SOX6: variants seen among roughly 807,000 people sequenced by gnomAD.
SOX6 encodes SRY-box transcription factor 6.
SOX6 carries 11 observed loss-of-function variants against 97.8 expected under a neutral mutation model. The ratio of observed to expected loss-of-function variants is 0.11; its 90% CI spans 0.07 to 0.19. The LOEUF (loss-of-function observed/expected upper bound fraction) is 0.19, where lower values mean the gene tolerates loss of function less well. SOX6 is among the 10% of genes least tolerant of loss of function. The pLI is 1.00. For missense variants in SOX6, 810 were observed against 1,039.5 expected, an observed-to-expected ratio of 0.78 and a Z score of 3.04; for synonymous variants, 360 against 371.4, an observed-to-expected ratio of 0.97 and a Z score of 0.35.
chr11:16,264,255 T>A (rs1314871877), intron 3 of SOX6, among the ~76,000 whole-genome samples: 3 of 151,998 alleles, frequency 2.0e-5, no homozygotes, highest in Non-Finnish European at 4.4e-5. Flanking sequence ...AGTTTATAGT[T>A]TACCCTTCCT....
At chr11:16,630,871 T>G (rs1382949893) in intron 3 of SOX6, among the ~76,000 whole-genome samples, 1 of 152,220 alleles carries the variant, frequency 6.6e-6, no homozygotes, top group African/African-American at 2.4e-5. Context: ...ATGGTTGGCT[T>G]GAAGTCTGTT....
chr11:16,126,786 T>C (rs1849623199), intron 6 of SOX6, among the ~76,000 whole-genome samples: 1 of 152,194 alleles, frequency 6.6e-6, no homozygotes, highest in Non-Finnish European at 1.5e-5. Flanking sequence ...AGATGACTTC[T>C]TGTTACACTA....
chr11:16,234,005 C>CA (rs751876773), intron 4 of SOX6, among the ~76,000 whole-genome samples: 6,291 of 55,142 alleles, frequency 0.11, 270 homozygotes, highest in African/African-American at 0.24. Context: ...GACTGCATCT[C>CA]AAAAAAAAAA....
intron 9 of SOX6, among the ~76,000 whole-genome samples, chr11:16,057,241 A>G (rs563447694): frequency 6.6e-6 from 1 of 152,108 alleles, no homozygotes; most frequent in Non-Finnish European, 1.5e-5. Flanking sequence ...TTCTCTCTCC[A>G]ATCTCTTAAT....
chr11:16,552,323 A>G (rs72859415), intron 4 of SOX6, among the ~76,000 whole-genome samples: 35,504 of 152,142 alleles, frequency 0.23, 4,878 homozygotes, highest in Non-Finnish European at 0.3. Context: ...AGTCCACTAT[A>G]AAAACTTAAA....
intron 4 of SOX6, among the ~76,000 whole-genome samples, chr11:16,501,043 T>C (rs146705306): frequency 0.02 from 3,026 of 152,272 alleles, 82 homozygotes; most frequent in African/African-American, 0.06. Flanking sequence ...AGCACCACGC[T>C]ACCTGACTTC....
intron 1 of SOX6, among the ~76,000 whole-genome samples, chr11:16,347,494 C>T (rs1856801041): frequency 6.6e-6 from 1 of 152,036 alleles, no homozygotes; most frequent in Non-Finnish European, 1.5e-5. Context: ...AACGAAAGAC[C>T]TCTGTGTGGC....
At chr11:16,404,885 A>G (rs1278879030) in intron 1 of SOX6, among the ~76,000 whole-genome samples, 1 of 151,978 alleles carries the variant, frequency 6.6e-6, no homozygotes, top group Non-Finnish European at 1.5e-5. Flanking sequence ...ACAAAACACT[A>G]AAGCTCTTTT....
intron 1 of SOX6, among the ~76,000 whole-genome samples, chr11:16,355,546 T>C (rs1456527009): frequency 3.3e-5 from 5 of 152,178 alleles, no homozygotes; most frequent in African/African-American, 1.2e-4. Flanking sequence ...CATTAATAAT[T>C]TTAAGTTTTT....
At chr11:16,507,853 A>C (rs1287726287) in intron 4 of SOX6, among the ~76,000 whole-genome samples, 2 of 152,224 alleles carry the variant, frequency 1.3e-5, no homozygotes, top group Non-Finnish European at 2.9e-5. Flanking sequence ...CTTCAAAAGC[A>C]ATGGAAATGA....
chr11:16,144,953 T>C (rs369031629), intron 6 of SOX6, among the ~76,000 whole-genome samples: 3 of 152,194 alleles, frequency 2.0e-5, no homozygotes, highest in Admixed American at 6.5e-5. Context: ...CCTTCTGAAA[T>C]TATTCCAATC....
chr11:16,641,606 T>C (rs1024516244), intron 3 of SOX6, among the ~76,000 whole-genome samples: 7 of 152,244 alleles, frequency 4.6e-5, no homozygotes, highest in African/African-American at 1.7e-4. Flanking sequence ...TGGGTGCATA[T>C]ATACTTAGGA....
At position 16,233,563 on chromosome 11, in the gene SOX6, G is replaced by A. The variant is rs112799209; in HGVS notation, c.535+1019C>T. 2.7e-3 allele frequency among the ~76,000 whole-genome samples: 406 copies of A among 152,184 alleles called. 4 individuals carry two copies. Among genetic ancestry groups the A allele is most frequent in the East Asian group, 7.5e-3 (39 of 5,166 alleles). On this transcript the variant is annotated intron_variant, in intron 4 of 15. Transcript: ENST00000683767. ...ATTTGAGCTTTATCAACATGGGATC[G>A]TCTGTGTATATTAATAATAACCACC... is the stretch of plus-strand genomic sequence containing the variant.
At chr11:16,274,786 C>G (rs1854348867) in intron 3 of SOX6, among the ~76,000 whole-genome samples, 1 of 152,072 alleles carries the variant, frequency 6.6e-6, no homozygotes, top group African/African-American at 2.4e-5. Flanking sequence ...GACAGCTAAC[C>G]CAAAGACAAT....
chr11:16,301,403 C>G (rs1029341556), intron 3 of SOX6, among the ~76,000 whole-genome samples: 3 of 152,084 alleles, frequency 2.0e-5, no homozygotes. Context: ...TAGAGTATAT[C>G]TACTATACCA....
chr11:16,239,487 C>T (rs964717642), intron 3 of SOX6, among the ~76,000 whole-genome samples: 4 of 151,970 alleles, frequency 2.6e-5, no homozygotes, highest in Non-Finnish European at 4.4e-5. Flanking sequence ...ACCAAGAGTA[C>T]GAATCACTAA....
intron 3 of SOX6, among the ~76,000 whole-genome samples, chr11:16,246,108 T>C (rs778938866): frequency 1.3e-5 from 2 of 151,434 alleles, no homozygotes; most frequent in African/African-American, 2.4e-5. Context: ...GGGTTTATTA[T>C]ATGCATCTTT....
intron 12 of SOX6, among the ~76,000 whole-genome samples, chr11:16,027,532 C>T (rs1263955898): frequency 6.6e-6 from 1 of 152,162 alleles, no homozygotes; most frequent in Non-Finnish European, 1.5e-5. Context: ...TAGAGAGACA[C>T]AGAAATGAGT....
intron 1 of SOX6, among the ~76,000 whole-genome samples, chr11:16,431,360 G>C (rs10832605): frequency 0.36 from 54,558 of 151,872 alleles, 10,381 homozygotes; most frequent in East Asian, 0.54. Flanking sequence ...CTCTCAAACA[G>C]TACCCAGCAC....
Sources: allele counts gnomAD v4.1 joint callset (sites outside exome capture counted in the v4.1 genomes callset), GRCh38; gene constraint gnomAD v4.1.1; transcripts MANE v1.5; gene names NCBI Gene and HGNC (gene_info 2026-07-23, HGNC 2026-07-21).